Variants in RBFOX1 observed in about 807,000 individuals in gnomAD.
RBFOX1 encodes RNA binding protein fox-1 homolog 1.
In RBFOX1, 8 loss-of-function variants were observed where a neutral mutation model predicts 57.7. That is an observed-to-expected ratio of 0.14 (90% confidence interval 0.08 to 0.25). The LOEUF (loss-of-function observed/expected upper bound fraction) is 0.25, where lower values mean the gene tolerates loss of function less well. Among genes scored for constraint, RBFOX1 ranks in the 10% least tolerant of loss-of-function variants. The pLI, the probability that RBFOX1 is intolerant of heterozygous loss-of-function variation, is 1.00. For synonymous variants in RBFOX1, 326 were observed against 222.4 expected, an observed-to-expected ratio of 1.47 and a Z score of -4.15; for missense variants, 611 against 548.5, an observed-to-expected ratio of 1.11 and a Z score of -1.14.
intron 2 of RBFOX1, among the ~76,000 whole-genome samples, chr16:6,468,246 G>GTTTACGTTTTTGACTT (rs1384988889): frequency 6.6e-6 from 1 of 152,144 alleles, no homozygotes; most frequent in Non-Finnish European, 1.5e-5. Flanking sequence ...AGGGCCCACA[G>GTTTACGTTTTTGACTT]TTTACGTTTT....
chr16:7,128,069 T>C (rs1338935612), intron 4 of RBFOX1, among the ~76,000 whole-genome samples: 1 of 152,210 alleles, frequency 6.6e-6, no homozygotes, highest in Non-Finnish European at 1.5e-5. Context: ...AATTCTTCCT[T>C]AATGGGGGCT....
At chr16:7,694,530 G>T (rs921289609) in intron 14 of RBFOX1, among the ~76,000 whole-genome samples, 1 of 152,204 alleles carries the variant, frequency 6.6e-6, no homozygotes, top group African/African-American at 2.4e-5. Flanking sequence ...AGGTATGCAT[G>T]ATGCATGCTG....
At chr16:7,260,600 G>A (rs2094880427) in intron 4 of RBFOX1, among the ~76,000 whole-genome samples, 1 of 152,144 alleles carries the variant, frequency 6.6e-6, no homozygotes, top group African/African-American at 2.4e-5. Flanking sequence ...GAGACGCTAT[G>A]TAGGTAAGAT....
intron 1 of RBFOX1, among the ~76,000 whole-genome samples, chr16:6,080,283 G>C (rs2095980546): frequency 6.6e-6 from 1 of 151,748 alleles, no homozygotes; most frequent in South Asian, 2.1e-4. Flanking sequence ...TGTAAAGGTG[G>C]TTAATACCAC....
chr16:7,252,435 T>C (rs925610797), intron 4 of RBFOX1, among the ~76,000 whole-genome samples: 3 of 152,260 alleles, frequency 2.0e-5, no homozygotes, highest in Admixed American at 1.3e-4. Context: ...TTTTGTACTT[T>C]GCTGTCTTTT....
intron 2 of RBFOX1, among the ~76,000 whole-genome samples, chr16:6,652,400 A>G (rs2098603786): frequency 1.3e-5 from 2 of 151,988 alleles, no homozygotes; most frequent in African/African-American, 4.8e-5. Flanking sequence ...GTGAGCCAAG[A>G]TCTCGCCACT....
chr16:7,143,853 C>G (rs2074353070), intron 4 of RBFOX1, among the ~76,000 whole-genome samples: 1 of 152,082 alleles, frequency 6.6e-6, no homozygotes. Flanking sequence ...CTAGCAGGTA[C>G]TATAAGATCC....
intron 4 of RBFOX1, among the ~76,000 whole-genome samples, chr16:7,233,784 C>A (rs1437823313): frequency 1.3e-5 from 2 of 152,138 alleles, no homozygotes; most frequent in African/African-American, 4.8e-5. Context: ...GTTTTCTCTT[C>A]AAATTCTTGC....
At chr16:5,988,785 T>C (rs2060331053) in intron 4 of RBFOX1, among the ~76,000 whole-genome samples, 1 of 151,960 alleles carries the variant, frequency 6.6e-6, no homozygotes, top group Non-Finnish European at 1.5e-5. Context: ...CTTTCTCAAT[T>C]TTTTTTTAAA....
chr16:7,208,822 G>C (rs2152768746), intron 4 of RBFOX1, among the ~76,000 whole-genome samples: 1 of 152,230 alleles, frequency 6.6e-6, no homozygotes, highest in South Asian at 2.1e-4. Context: ...TGGGTGAAGA[G>C]TGAGATTCTG....
rs139147926 is a variant in RBFOX1, at chr16:6,106,771, C to T, written c.-127+86779C>T. Among the ~76,000 whole-genome samples, 118 of 152,202 alleles carry T rather than the reference C, an allele frequency of 7.8e-4. No individual in the cohort carries two copies. In the East Asian group the frequency reaches 0.021, roughly 27 times the overall value. Reference sequence around the variant, plus strand: ...CAAGCTCTGCCTCCCGGGTTCATGCCATCCTTCTGCCTCAGCCTCCCAAGT... The same window carrying T: ...CAAGCTCTGCCTCCCGGGTTCATGCTATCCTTCTGCCTCAGCCTCCCAAGT... On this transcript the variant is annotated intron_variant, in intron 1 of 15. Coordinates refer to ENST00000550418, the MANE Select transcript of RBFOX1 (RefSeq NM_018723.4).
chr16:5,772,300 C>G (rs1299991793), intron 3 of RBFOX1, among the ~76,000 whole-genome samples: 1 of 152,168 alleles, frequency 6.6e-6, no homozygotes, highest in Non-Finnish European at 1.5e-5. Flanking sequence ...CTGGCAGGCT[C>G]CCTCCATGTA....
chr16:6,367,134 C>A (rs2152883612), intron 2 of RBFOX1, among the ~76,000 whole-genome samples: 1 of 152,282 alleles, frequency 6.6e-6, no homozygotes, highest in South Asian at 2.1e-4. Flanking sequence ...AAAACTAGGG[C>A]AAAATGAATA....
In RBFOX1 at chr16:6,779,767, A is replaced by ATATATT. The variant is rs1555459778; in HGVS notation, c.-16+125122_-16+125123insTTATAT. On this transcript the variant is annotated intron_variant, in intron 3 of 15. Coordinates refer to ENST00000550418, the MANE Select transcript of RBFOX1 (RefSeq NM_018723.4). ...TTTATATATACTTTTATATATTTATATATATATTTATATATATTTTTATAT... is the reference window on the plus strand; with the variant it reads ...TTTATATATACTTTTATATATTTATATATATTTATATATTTATATATATTTTTATAT... Among the ~76,000 whole-genome samples, 5 of 5,458 alleles carry ATATATT rather than the reference A, an allele frequency of 9.2e-4. 1 individual carries two copies. Among genetic ancestry groups the ATATATT allele is most frequent in the African/African-American group, 6.0e-3 (5 of 834 alleles). 3.6% of individuals were successfully genotyped at this position (5,458 alleles called of 152,430 possible).
At chr16:6,973,100 C>T (rs930490534) in intron 3 of RBFOX1, among the ~76,000 whole-genome samples, 1 of 151,460 alleles carries the variant, frequency 6.6e-6, no homozygotes, top group African/African-American at 2.4e-5. Context: ...TACTGCACTC[C>T]AGCCTGGGTG....
chr16:7,098,704 G>C (rs774632576), intron 4 of RBFOX1, among the ~76,000 whole-genome samples: 1 of 151,982 alleles, frequency 6.6e-6, no homozygotes, highest in African/African-American at 2.4e-5. Flanking sequence ...AATCCTGGCA[G>C]TTTTGGAAAC....
intron 1 of RBFOX1, among the ~76,000 whole-genome samples, chr16:6,288,807 G>A (rs1260474495): frequency 6.6e-6 from 1 of 152,136 alleles, no homozygotes; most frequent in East Asian, 1.9e-4. Flanking sequence ...TGTAGAGTGT[G>A]TTTTTAGTAA....
At chr16:5,558,420 A>G (rs893393814) in intron 2 of RBFOX1, among the ~76,000 whole-genome samples, 2 of 152,080 alleles carry the variant, frequency 1.3e-5, no homozygotes, top group African/African-American at 2.4e-5. Flanking sequence ...AGGTCTGAGC[A>G]TCGAGGAGAC....
chr16:6,502,220 G>C (rs73526576), intron 2 of RBFOX1, among the ~76,000 whole-genome samples: 2,226 of 152,260 alleles, frequency 0.015, 66 homozygotes, highest in African/African-American at 0.051. Flanking sequence ...GAGCTATGCA[G>C]ATCCATCTGT....
Sources: gnomAD v4.1 joint callset for allele counts (sites outside exome capture counted in the v4.1 genomes callset) on GRCh38, gnomAD v4.1.1 for gene constraint, MANE v1.5 for transcripts, NCBI Gene and HGNC (gene_info 2026-07-23, HGNC 2026-07-21) for gene names.